Variants in TRAK2 observed in about 807,000 individuals in gnomAD.
The protein encoded by TRAK2 is trafficking kinesin protein 2.
In TRAK2, 81 loss-of-function variants were observed where a neutral mutation model predicts 104.6. That is an observed-to-expected ratio of 0.77 (90% CI 0.65 to 0.93). TRAK2 has a LOEUF of 0.93. Ranked by LOEUF, TRAK2 falls within the 40% of genes least tolerant of loss-of-function variation. The pLI is 0.00. For synonymous variants in TRAK2, 406 were observed against 394.4 expected, an observed-to-expected ratio of 1.03 and a Z score of -0.35; for missense variants, 1,002 against 1,089.0, an observed-to-expected ratio of 0.92 and a Z score of 1.12.
rs567270996 is a variant in TRAK2, at chr2:201,409,391, C to G, written c.92-1794G>C. Among the ~76,000 whole-genome samples, 50 of 152,008 alleles carry G rather than the reference C, an allele frequency of 3.3e-4. No individual in the cohort carries two copies. The South Asian group carries it at 5.0e-3, about 15-fold the overall frequency. ...TCTTACAAATCTCCTTTTGAAAACA[C>G]AATTCATATATGCTGCAACCTCAGA... On this transcript the variant is annotated intron_variant, in intron 2 of 15. Transcript: ENST00000332624.
In TRAK2 at chr2:201,407,580, C is replaced by G; in HGVS notation, c.109G>C (p.Asp37His). ...CTCACCAGCTCAACTTCAGGGAGAT[C>G]CTCATTGGAGCAGACATCTAAAGAG... ...ESITDVCSNEDLPEVELVSLL... is the reference protein window; with the variant it reads ...ESITDVCSNEHLPEVELVSLL... Residue 37 changes from aspartate (D) to histidine (H), a missense_variant, in exon 3 of 16, where the codon GAT (aspartate) becomes CAT (histidine). Physicochemically the swap from Asp to His is moderately conservative, Grantham distance 81. Transcript: ENST00000332624. 1.2e-6 allele frequency: 2 copies of G among 1,613,206 alleles called. No homozygotes were observed. Among genetic ancestry groups the G allele is most frequent in the Non-Finnish European group, 1.7e-6 (2 of 1,179,804 alleles).
intron 1 of TRAK2, among the ~76,000 whole-genome samples, chr2:201,422,143 A>T (rs2125655249): frequency 6.6e-6 from 1 of 152,232 alleles, no homozygotes; most frequent in East Asian, 1.9e-4. Flanking sequence ...CACATGCTGT[A>T]ACTTAACAGT....
chr2:201,444,681 TGAAA>T (rs1395576008), intron 1 of TRAK2, among the ~76,000 whole-genome samples: 1 of 151,178 alleles, frequency 6.6e-6, no homozygotes, highest in Non-Finnish European at 1.5e-5. Context: ...AATATATGTG[TGAAA>T]GAAACAAATT....
intron 1 of TRAK2, among the ~76,000 whole-genome samples, chr2:201,434,135 T>G (rs900361248): frequency 6.6e-6 from 1 of 152,146 alleles, no homozygotes; most frequent in African/African-American, 2.4e-5. Flanking sequence ...TTTTTTGTAT[T>G]TTTAGTAGAG....
rs1412280199 is a variant in TRAK2, at chr2:201,389,869, T to C, written c.1125A>G (p.Ala375=). The C allele has an allele frequency of 6.2e-7, 1 of 1,612,476 alleles. No homozygotes were observed. Among genetic ancestry groups the C allele is most frequent in the Non-Finnish European group, 8.5e-7 (1 of 1,179,506 alleles). ...TACGCATAGTCCCCTCAATCTCAGC[T>C]GCCAAAGATTCCTAAGAAAAAGAGT... is the stretch of plus-strand genomic sequence containing the variant. ...SYGAFTGESL[A]AEIEGTMRKK... Residue 375 remains alanine (A), a synonymous_variant, in exon 11 of 16, where the codon GCA becomes GCG. Coordinates refer to ENST00000332624, the MANE Select transcript of TRAK2 (RefSeq NM_015049.3).
At chr2:201,394,920 T>C (rs772860152) in intron 8 of TRAK2, 48 bp from the exon 9 acceptor site, 3 of 1,453,798 alleles carry the variant, frequency 2.1e-6, no homozygotes, top group South Asian at 1.2e-5. Flanking sequence ...AAGTAAAATA[T>C]AGCTATTCTC....
At chr2:201,427,322 C>T (rs191167215) in intron 1 of TRAK2, among the ~76,000 whole-genome samples, 5 of 139,444 alleles carry the variant, frequency 3.6e-5, no homozygotes, top group East Asian at 4.8e-4. Flanking sequence ...ATCCCTCCCC[C>T]CTCCCCGCAC....
chr2:201,387,328 T>G (rs968422738), intron 13 of TRAK2, among the ~76,000 whole-genome samples: 4 of 152,188 alleles, frequency 2.6e-5, no homozygotes, highest in African/African-American at 9.7e-5. Context: ...AAAACTCTTT[T>G]GAAAAGGAAG....
intron 10 of TRAK2, among the ~76,000 whole-genome samples, chr2:201,391,853 G>A (rs1320902422): frequency 6.6e-6 from 1 of 152,108 alleles, no homozygotes; most frequent in South Asian, 2.1e-4. Context: ...AGTCACGAAA[G>A]AGAAATAAAG....
In TRAK2 at chr2:201,399,486, C is replaced by T. The variant is rs747546958; in HGVS notation, c.371G>A (p.Arg124His). The change falls in exon 5 of 16, where the codon CGT (arginine) becomes CAT (histidine). Residue 124 changes from arginine to histidine, a missense_variant. Physicochemically the swap from Arg to His is conservative, Grantham distance 29. Coordinates refer to ENST00000332624, the MANE Select transcript of TRAK2 (RefSeq NM_015049.3). ...MVTHLLAERD[R>H]DLELAARIGQ... ...AATTCGAGCAGCGAGTTCCAGATCA[C>T]GATCCCTCTGTTAAAATACCAAATA... is the stretch of plus-strand genomic sequence containing the variant. 12 of 1,611,300 alleles carry T rather than the reference C, an allele frequency of 7.4e-6. No individual in the cohort carries two copies. The highest frequency in any genetic ancestry group is 5.0e-5 in the Admixed American group (3 of 59,960).
Position 201,389,478 on chromosome 2 carries a change from T to A in TRAK2, c.1219A>T (p.Thr407Ser). 6.2e-7 allele frequency: 1 copy of A among 1,614,076 alleles called. No individual in the cohort carries two copies. The highest frequency in any genetic ancestry group is 1.1e-5 in the South Asian group (1 of 91,074). The change falls in exon 12 of 16, where the codon ACC (threonine) becomes TCC (serine). Residue 407 changes from threonine to serine, a missense_variant. Thr to Ser is a moderately conservative substitution (Grantham distance 58). Coordinates refer to ENST00000332624, the MANE Select transcript of TRAK2 (RefSeq NM_015049.3). ...QKAQQKRVFD[T>S]VRIANDTRGR... ...CGTGTGTCATTGGCAATCCTGACGG[T>A]ATCAAATACCCGCTTCTGTTGGGCT...
chr2:201,438,588 T>C lies in TRAK2; in HGVS notation c.-200+12762A>G, dbSNP rs72937179. Among the ~76,000 whole-genome samples the C allele has an allele frequency of 3.7e-3, 565 of 152,320 alleles. 3 individuals carry two copies. The highest frequency in any genetic ancestry group is 6.8e-3 in the Middle Eastern group (2 of 294). ...AGCTGAGGCCTCTATCCTCTGAGCT[T>C]TACTAGCAAGGGACTGGAGTGTGAG... On this transcript the variant is annotated intron_variant, in intron 1 of 15. Transcript: ENST00000332624.
At chr2:201,443,560 A>T (rs1951941976) in intron 1 of TRAK2, among the ~76,000 whole-genome samples, 1 of 152,158 alleles carries the variant, frequency 6.6e-6, no homozygotes, top group Admixed American at 6.5e-5. Context: ...TTATCTTTTT[A>T]GTGTTAGTGA....
intron 1 of TRAK2, among the ~76,000 whole-genome samples, chr2:201,448,302 C>T (rs1304621177): frequency 3.3e-5 from 5 of 152,178 alleles, no homozygotes; most frequent in Non-Finnish European, 5.9e-5. Flanking sequence ...TCAGTACTAC[C>T]ATGTAGTAGC....
intron 1 of TRAK2, among the ~76,000 whole-genome samples, chr2:201,450,136 G>GC (rs1952013815): frequency 1.3e-5 from 2 of 152,170 alleles, no homozygotes; most frequent in African/African-American, 2.4e-5. Context: ...GAAAACTGGA[G>GC]CTGGGTGTGG....
At chr2:201,385,325 C>A (rs1255622209) in intron 14 of TRAK2, among the ~76,000 whole-genome samples, 1 of 151,670 alleles carries the variant, frequency 6.6e-6, no homozygotes, top group African/African-American at 2.4e-5. Flanking sequence ...AGGATACGAC[C>A]AATGCATTTA....
chr2:201,386,467 G>A lies in TRAK2; in HGVS notation c.1714C>T (p.His572Tyr). ...TTTGGTTGAGCAAGCTGCTGCCAGTGATACAGAGTTTGTGATCCTGAATAT... is the reference window on the plus strand; with the variant it reads ...TTTGGTTGAGCAAGCTGCTGCCAGTAATACAGAGTTTGTGATCCTGAATAT... ...KPLEGSQTLY[H>Y]WQQLAQPNLG... Residue 572 changes from histidine to tyrosine, a missense_variant, in exon 14 of 16, where the codon CAC (histidine) becomes TAC (tyrosine). Transcript: ENST00000332624. 1.2e-6 allele frequency: 2 copies of A among 1,614,120 alleles called. No homozygotes were observed. The highest frequency in any genetic ancestry group is 1.7e-6 in the Non-Finnish European group (2 of 1,179,988).
chr2:201,380,686 G>T lies in TRAK2; in HGVS notation c.2602C>A (p.Pro868Thr), dbSNP rs771922975. The change falls in exon 16 of 16, where the codon CCA becomes ACA. Residue 868 changes from proline to threonine, a missense_variant. Transcript: ENST00000332624. ...CQEAEIGPQK[P>T]DSAVYLNSGS... Reference sequence around the variant, plus strand: ...GAATTTAAATAAACAGCAGAATCTGGTTTTTGAGGACCAATTTCTGCCTCC... The same window carrying T: ...GAATTTAAATAAACAGCAGAATCTGTTTTTTGAGGACCAATTTCTGCCTCC... 3 of 1,614,052 alleles carry T rather than the reference G, an allele frequency of 1.9e-6. No homozygotes were observed. In the South Asian group the frequency reaches 3.3e-5, roughly 18 times the overall value.
In TRAK2 at chr2:201,380,134, A is replaced by AAAACTGCTCCTTT. The variant is rs1193787651; in HGVS notation, c.*396_*408dup. The AAAACTGCTCCTTT allele has an allele frequency of 2.8e-5, 6 of 214,586 alleles. 1 individual carries two copies. Among genetic ancestry groups the AAAACTGCTCCTTT allele is most frequent in the Non-Finnish European group, 5.6e-5 (6 of 106,606 alleles). The allele number at this position is 214,586 out of a possible 1,614,324, so 13.3% of individuals were successfully genotyped here. ...CTCAGAACGGCTTTCTATAAGCAAT[A>AAAACTGCTCCTTT]AAACTGCTCCTTTTCTCTTCCCATC... On this transcript the variant is annotated 3_prime_UTR_variant, in exon 16 of 16. Coordinates refer to ENST00000332624, the MANE Select transcript of TRAK2 (RefSeq NM_015049.3).
Sources: gnomAD v4.1 joint callset for allele counts (sites outside exome capture counted in the v4.1 genomes callset) on GRCh38, gnomAD v4.1.1 for gene constraint, MANE v1.5 for transcripts, NCBI Gene and HGNC (gene_info 2026-07-23, HGNC 2026-07-21) for gene names.